The following COLGALT2 variants were observed in gnomAD, a reference collection of about 807,000 sequenced individuals.
COLGALT2 encodes procollagen galactosyltransferase 2.
A neutral mutation model predicts 73.4 loss-of-function variants in COLGALT2; 49 were observed. The ratio of observed to expected loss-of-function variants is 0.67; its 90% CI spans 0.53 to 0.85. The LOEUF (loss-of-function observed/expected upper bound fraction) is 0.85. COLGALT2 is among the 40% of genes least tolerant of loss of function. The probability of loss-of-function intolerance (pLI) is 0.00; values close to 1 mark genes in which losing one functional copy is unlikely to be tolerated. For missense variants in COLGALT2, 722 were observed against 790.2 expected (o/e 0.91, Z 1.03); for synonymous variants, 295 against 307.6 (o/e 0.96, Z 0.43).
Position 184,037,189 on chromosome 1 carries a change from C to A in COLGALT2, c.169G>T (p.Val57Leu), listed in dbSNP as rs1343437601. ...GCCGCGTTGCGGGCGAGGACCGCCA[C>A]GAGCACCGTGGGGCTCTGCAGGGGC... is the stretch of plus-strand genomic sequence containing the variant. ...ESPLQSPTVL[V>L]AVLARNAAHT... Residue 57 changes from valine (V) to leucine (L), a missense_variant, in exon 1 of 12, where the codon GTG (valine) becomes TTG (leucine). Transcript: ENST00000361927. 3.7e-6 allele frequency: 6 copies of A among 1,605,226 alleles called. No individual in the cohort carries two copies. In the East Asian group the frequency reaches 6.8e-5, roughly 18 times the overall value.
At chr1:183,960,013 T>C (rs556073495) in intron 6 of COLGALT2, among the ~76,000 whole-genome samples, 1 of 152,338 alleles carries the variant, frequency 6.6e-6, no homozygotes, top group Non-Finnish European at 1.5e-5. Context: ...TAACTCTCTG[T>C]GTTAGAATAT....
At chr1:183,959,086 T>C (rs1252463665) in intron 6 of COLGALT2, among the ~76,000 whole-genome samples, 1 of 152,286 alleles carries the variant, frequency 6.6e-6, no homozygotes, top group Non-Finnish European at 1.5e-5. Flanking sequence ...ACAGAACCAA[T>C]GACCAATTCT....
rs796917094 is a variant in COLGALT2 at position 183,962,542 on chromosome 1, C to T, written c.952+1359G>A. Among the ~76,000 whole-genome samples the T allele has an allele frequency of 1.0e-3, 154 of 152,262 alleles. 1 individual carries two copies. The highest frequency in any genetic ancestry group is 3.4e-3 in the African/African-American group (142 of 41,550). ...TAAAATCACCCCCAGACACTCAAGACAGAACTTGGGAGTTTTCTCTATGCC... is the reference window on the plus strand; with the variant it reads ...TAAAATCACCCCCAGACACTCAAGATAGAACTTGGGAGTTTTCTCTATGCC... On this transcript the variant is annotated intron_variant, in intron 6 of 11. Coordinates refer to ENST00000361927, the MANE Select transcript of COLGALT2 (RefSeq NM_015101.4).
intron 1 of COLGALT2, among the ~76,000 whole-genome samples, chr1:183,993,888 A>G (rs543914607): frequency 2.0e-5 from 3 of 152,304 alleles, no homozygotes; most frequent in African/African-American, 7.2e-5. Context: ...AAGTTTCTTC[A>G]GCAGAGGATC....
intron 2 of COLGALT2, among the ~76,000 whole-genome samples, chr1:183,975,472 G>A (rs3010045): frequency 0.9 from 137,547 of 152,220 alleles, 62,316 homozygotes; most frequent in Non-Finnish European, 0.93. Flanking sequence ...GGTGAGTACT[G>A]CTATTCTCTG....
At chr1:183,961,982 T>G (rs986895094) in intron 6 of COLGALT2, among the ~76,000 whole-genome samples, 3 of 152,116 alleles carry the variant, frequency 2.0e-5, no homozygotes, top group Non-Finnish European at 4.4e-5. Flanking sequence ...AACAAATATT[T>G]GCTGGGCATC....
chr1:183,957,045 T>C (rs969458094), intron 6 of COLGALT2, among the ~76,000 whole-genome samples: 1 of 152,104 alleles, frequency 6.6e-6, no homozygotes, highest in Non-Finnish European at 1.5e-5. Context: ...TACTGCCACT[T>C]GGGACAATGG....
chr1:183,981,149 C>T (rs1296657849), intron 1 of COLGALT2, among the ~76,000 whole-genome samples: 1 of 151,986 alleles, frequency 6.6e-6, no homozygotes, highest in Non-Finnish European at 1.5e-5. Flanking sequence ...ATAAGGGTGT[C>T]GTAATATTCC....
At chr1:183,941,954 CTT>C (rs34285270) in intron 10 of COLGALT2, among the ~76,000 whole-genome samples, 33 of 142,828 alleles carry the variant, frequency 2.3e-4, no homozygotes, top group African/African-American at 4.1e-4. Context: ...CGACAGTTTA[CTT>C]TTTTTTTTTT....
chr1:183,960,247 C>A (rs1383558931), intron 6 of COLGALT2, among the ~76,000 whole-genome samples: 1 of 152,174 alleles, frequency 6.6e-6, no homozygotes, highest in African/African-American at 2.4e-5. Flanking sequence ...TTATTTCTGC[C>A]TACTGTTTTA....
chr1:184,003,601 C>A (rs1399799514), intron 1 of COLGALT2, among the ~76,000 whole-genome samples: 1 of 152,116 alleles, frequency 6.6e-6, no homozygotes, highest in African/African-American at 2.4e-5. Context: ...CCCTGCTGTG[C>A]CCTTTATGAA....
At chr1:184,036,159 G>A (rs1157445412) in intron 1 of COLGALT2, among the ~76,000 whole-genome samples, 2 of 152,122 alleles carry the variant, frequency 1.3e-5, no homozygotes, top group Non-Finnish European at 2.9e-5. Context: ...CATCTCCCCT[G>A]GCCAGCATCC....
In COLGALT2 at chr1:184,037,337, G is replaced by A; in HGVS notation, c.21C>T (p.Ala7=). The A allele has an allele frequency of 6.7e-7, 1 of 1,490,114 alleles. No individual in the cohort carries two copies. The highest frequency in any genetic ancestry group is 8.9e-7 in the Non-Finnish European group (1 of 1,119,604). 92.3% of individuals were successfully genotyped at this position (1,490,114 alleles called of 1,614,324 possible). A position where few individuals can be genotyped will look rare whatever the true frequency, so the allele number is the denominator to read the frequency against. The change falls in exon 1 of 12, where the codon GCC becomes GCT. Residue 7 remains alanine, a synonymous_variant. Coordinates refer to ENST00000361927, the MANE Select transcript of COLGALT2 (RefSeq NM_015101.4). The part of the protein sequence containing the change: MAARPA[A]TLAWSLLLLS... ...GGAGCAGTAGCGACCAGGCGAGGGTGGCAGCAGGGCGCGCAGCCATGTTCC... is the reference window on the plus strand; with the variant it reads ...GGAGCAGTAGCGACCAGGCGAGGGTAGCAGCAGGGCGCGCAGCCATGTTCC...
At chr1:183,960,874 C>A (rs938538019) in intron 6 of COLGALT2, among the ~76,000 whole-genome samples, 2 of 152,142 alleles carry the variant, frequency 1.3e-5, no homozygotes, top group African/African-American at 4.8e-5. Context: ...TATTGGACAC[C>A]CCGTTCCTAT....
intron 1 of COLGALT2, among the ~76,000 whole-genome samples, chr1:184,004,981 A>T (rs1362140105): frequency 6.6e-6 from 1 of 152,202 alleles, no homozygotes; most frequent in Non-Finnish European, 1.5e-5. Context: ...AATGTTTTAT[A>T]CTCAAAGAAA....
intron 1 of COLGALT2, among the ~76,000 whole-genome samples, chr1:183,999,832 T>G (rs187538371): frequency 1.8e-3 from 279 of 152,274 alleles, no homozygotes; most frequent in African/African-American, 6.4e-3. Context: ...GTATGACCAG[T>G]CTTACCAGGA....
At position 183,940,708 on chromosome 1, in the gene COLGALT2, A is replaced by G. The variant is rs1670084586; in HGVS notation, c.1477T>C (p.Tyr493His). Residue 493 changes from tyrosine (Y) to histidine (H), a missense_variant, in exon 11 of 12, where the codon TAT becomes CAT. Coordinates refer to ENST00000361927, the MANE Select transcript of COLGALT2 (RefSeq NM_015101.4). ...ACGTAGCCCAGGGTCCAGTAGGAAT[A>G]GTCGGCTTCGACCAGGTTTGCCACA... ...PNVANLVEAD[Y>H]SYWTLGYVIS... is the part of the protein sequence containing the mutation. The G allele has an allele frequency of 4.3e-6, 7 of 1,614,130 alleles. No homozygotes were observed. Among genetic ancestry groups the G allele is most frequent in the Non-Finnish European group, 5.9e-6 (7 of 1,180,058 alleles).
chr1:183,967,799 C>T (rs1406591429), intron 5 of COLGALT2, among the ~76,000 whole-genome samples: 2 of 152,214 alleles, frequency 1.3e-5, no homozygotes, highest in African/African-American at 4.8e-5. Flanking sequence ...GAGCAAATCA[C>T]AGACCAACTG....
chr1:184,033,626 C>G (rs1312784226), intron 1 of COLGALT2, among the ~76,000 whole-genome samples: 1 of 152,256 alleles, frequency 6.6e-6, no homozygotes, highest in African/African-American at 2.4e-5. Context: ...TAACTGCAGA[C>G]ATTCTTCAAC....
Sources: gnomAD v4.1 joint callset for allele counts (sites outside exome capture counted in the v4.1 genomes callset) on GRCh38, gnomAD v4.1.1 for gene constraint, MANE v1.5 for transcripts, NCBI Gene and HGNC (gene_info 2026-07-23, HGNC 2026-07-21) for gene names.